PARD3B: variants seen among roughly 807,000 people sequenced by gnomAD.
PARD3B encodes partitioning defective 3 homolog B.
A neutral mutation model predicts 130.2 loss-of-function variants in PARD3B; 103 were observed. The observed-to-expected ratio is 0.79, with a 90% CI of 0.67 to 0.93. The LOEUF (loss-of-function observed/expected upper bound fraction) is 0.93, where lower values mean the gene tolerates loss of function less well. Among genes scored for constraint, PARD3B ranks in the 40% least tolerant of loss-of-function variants. PARD3B has a pLI of 0.00. For missense variants in PARD3B, 1,609 were observed against 1,499.2 expected (o/e 1.07, Z -1.21); for synonymous variants, 583 against 553.2 (o/e 1.05, Z -0.76).
chr2:204,676,763 G>A (rs1157858640), intron 1 of PARD3B, among the ~76,000 whole-genome samples: 1 of 148,708 alleles, frequency 6.7e-6, no homozygotes, highest in Non-Finnish European at 1.5e-5. Flanking sequence ...TCCACCTCCT[G>A]GATTCAAGCA....
intron 15 of PARD3B, among the ~76,000 whole-genome samples, chr2:205,245,538 A>G (rs2039535507): frequency 6.6e-6 from 1 of 152,226 alleles, no homozygotes; most frequent in South Asian, 2.1e-4. Flanking sequence ...ATTGAAAATT[A>G]TGAGAAAATG....
chr2:204,924,936 C>T (rs1294273224), intron 2 of PARD3B, among the ~76,000 whole-genome samples: 2 of 151,074 alleles, frequency 1.3e-5, no homozygotes, highest in Admixed American at 6.6e-5. Context: ...GAAATTCTGC[C>T]AACTGTAACA....
intron 18 of PARD3B, among the ~76,000 whole-genome samples, chr2:205,311,015 C>G (rs929544385): frequency 5.9e-5 from 9 of 152,156 alleles, no homozygotes; most frequent in African/African-American, 1.9e-4. Flanking sequence ...AGCCACCATG[C>G]CCAGCTGGCT....
chr2:205,042,194 G>A (rs1414548093), intron 3 of PARD3B, among the ~76,000 whole-genome samples: 2 of 152,104 alleles, frequency 1.3e-5, no homozygotes, highest in Non-Finnish European at 2.9e-5. Context: ...ATTTAAAGGG[G>A]ACATGGATCA....
rs2031630429 is a variant in PARD3B at position 205,128,016 on chromosome 2, A to T, written c.1434+2279A>T. The stretch of plus-strand genomic sequence containing the variant: ...GGGGGCAGTTATGTGTATGCACCAC[A>T]AGAGGCCCTTTCATTTCTTGTCTGA... On this transcript the variant is annotated intron_variant, in intron 10 of 22. Transcript: ENST00000406610. This position sits in a 1 kb window ranked among gnomAD's most constrained non-coding sequence, Gnocchi z 4.5. 6.6e-6 allele frequency among the ~76,000 whole-genome samples: 1 copy of T among 152,378 alleles called. No individual in the cohort carries two copies. The highest frequency in any genetic ancestry group is 1.5e-5 in the Non-Finnish European group (1 of 68,040).
In PARD3B at chr2:205,238,220, G is replaced by A. The variant is rs113547818; in HGVS notation, c.2141-7558G>A. 3.5e-4 allele frequency among the ~76,000 whole-genome samples: 53 copies of A among 152,298 alleles called. 1 individual carries two copies. Among genetic ancestry groups the A allele is most frequent in the African/African-American group, 1.2e-3 (50 of 41,568 alleles). On this transcript the variant is annotated intron_variant, in intron 15 of 22. Transcript: ENST00000406610. ...GGTGTTTAATGTGAAACAGACCCGT[G>A]CACAAATAATTGAGATATTTGCAAT...
chr2:205,347,040 T>C (rs2043820691), intron 18 of PARD3B, among the ~76,000 whole-genome samples: 1 of 152,234 alleles, frequency 6.6e-6, no homozygotes. Context: ...GCCTTCCACT[T>C]ATTTCCATTA....
chr2:204,651,470 A>C (rs1451015458), intron 1 of PARD3B, among the ~76,000 whole-genome samples: 1 of 152,230 alleles, frequency 6.6e-6, no homozygotes, highest in African/African-American at 2.4e-5. Context: ...CTGGTGCAAG[A>C]GGTGAGTTCC....
At chr2:204,558,067 C>T (rs1441159275) in intron 1 of PARD3B, 1 of 152,110 alleles carries the variant, frequency 6.6e-6, no homozygotes, top group Non-Finnish European at 1.5e-5. Context: ...GAGCCTGCCT[C>T]CTGTTGCTGA....
intron 21 of PARD3B, among the ~76,000 whole-genome samples, chr2:205,538,357 C>A (rs2051958292): frequency 1.3e-5 from 2 of 152,144 alleles, no homozygotes; most frequent in Admixed American, 6.6e-5. Context: ...GATGGTGATA[C>A]TGATGAGGAT....
rs908227311 is a variant in PARD3B, at chr2:204,673,447, A to C, written c.121-12734A>C. Among the ~76,000 whole-genome samples the C allele has an allele frequency of 6.6e-6, 1 of 152,198 alleles. No individual in the cohort carries two copies. The highest frequency in any genetic ancestry group is 6.5e-5 in the Admixed American group (1 of 15,272). On this transcript the variant is annotated intron_variant, in intron 1 of 22. Transcript: ENST00000406610. The surrounding 1 kb of genome is among the most constrained non-coding windows in gnomAD (Gnocchi z 4.7). The stretch of plus-strand genomic sequence containing the variant: ...CACTTGGTGTTTTTGCATCTCCACC[A>C]AGTTTATTCAACCTGACAAGCGAAC...
chr2:204,947,451 A>G (rs1276553382), intron 2 of PARD3B, among the ~76,000 whole-genome samples: 2 of 152,180 alleles, frequency 1.3e-5, no homozygotes, highest in Non-Finnish European at 2.9e-5. Flanking sequence ...GTAAATAAGT[A>G]AAGTATGTTG....
chr2:205,032,460 G>C (rs1280058695), intron 3 of PARD3B, among the ~76,000 whole-genome samples: 5 of 152,046 alleles, frequency 3.3e-5, no homozygotes, highest in Non-Finnish European at 5.9e-5. Context: ...CTGATCCTTG[G>C]GCTCCAGGAG....
intron 2 of PARD3B, among the ~76,000 whole-genome samples, chr2:204,922,370 G>A (rs2047713926): frequency 6.6e-6 from 1 of 152,052 alleles, no homozygotes; most frequent in African/African-American, 2.4e-5. Flanking sequence ...GAAGGATTGT[G>A]GAAGCTGGTG....
intron 2 of PARD3B, among the ~76,000 whole-genome samples, chr2:204,896,970 G>A (rs748905037): frequency 8.6e-5 from 13 of 151,968 alleles, no homozygotes; most frequent in Non-Finnish European, 1.5e-4. Context: ...CAGCAGAGCG[G>A]GGTTAAAAAG....
At chr2:205,370,716 A>C (rs2044780849) in intron 18 of PARD3B, among the ~76,000 whole-genome samples, 1 of 152,180 alleles carries the variant, frequency 6.6e-6, no homozygotes. Context: ...GTTATTTAAG[A>C]ATTTCTGAAA....
intron 10 of PARD3B, among the ~76,000 whole-genome samples, chr2:205,132,394 G>A (rs1470802251): frequency 6.6e-6 from 1 of 152,008 alleles, no homozygotes; most frequent in Non-Finnish European, 1.5e-5. Context: ...GCTGTTTTAT[G>A]GGCCAGTGAG....
In PARD3B at chr2:205,563,258, G is replaced by A. The variant is rs1244140459; in HGVS notation, c.3260+9855G>A. Among the ~76,000 whole-genome samples the A allele has an allele frequency of 6.6e-6, 1 of 152,132 alleles. No homozygotes were observed. Among genetic ancestry groups the A allele is most frequent in the African/African-American group, 2.4e-5 (1 of 41,416 alleles). On this transcript the variant is annotated intron_variant, in intron 22 of 22. Transcript: ENST00000406610. The surrounding 1 kb of genome is among the most constrained non-coding windows in gnomAD (Gnocchi z 4.2). ...GAAAATAAAACTAAGAACAATCAAGGCAAGGGAGAGGTTGTAAAACCTATT... is the reference window on the plus strand; with the variant it reads ...GAAAATAAAACTAAGAACAATCAAGACAAGGGAGAGGTTGTAAAACCTATT...
chr2:205,147,764 A>G (rs1481325177), intron 10 of PARD3B, among the ~76,000 whole-genome samples: 2 of 152,214 alleles, frequency 1.3e-5, no homozygotes, highest in African/African-American at 4.8e-5. Context: ...TGGACTAACT[A>G]TAACCTATAT....
Sources: allele counts gnomAD v4.1 joint callset (sites outside exome capture counted in the v4.1 genomes callset), GRCh38; gene constraint gnomAD v4.1.1; non-coding constraint Gnocchi (gnomAD v3.1); transcripts MANE v1.5; gene names NCBI Gene and HGNC (gene_info 2026-07-23, HGNC 2026-07-21).